Variants in NRXN3 observed in about 807,000 individuals in gnomAD.
The protein encoded by NRXN3 is neurexin III.
Under a neutral mutation model 137.6 loss-of-function variants are expected in NRXN3, and 32 were observed. That is an observed-to-expected ratio of 0.23 (90% confidence interval 0.18 to 0.31). NRXN3 has a LOEUF of 0.31. Ranked by LOEUF, NRXN3 falls within the 10% of genes least tolerant of loss-of-function variation. The pLI is 1.00. For synonymous variants in NRXN3, 798 were observed against 784.5 expected (o/e 1.02, Z -0.29); for missense variants, 1,574 against 2,062.5 (o/e 0.76, Z 4.59).
chr14:78,642,038 G>A (rs1254533113), intron 4 of NRXN3, among the ~76,000 whole-genome samples: 1 of 152,176 alleles, frequency 6.6e-6, no homozygotes, highest in Non-Finnish European at 1.5e-5. Flanking sequence ...TAAGGTGAGA[G>A]GAATTGGTTT....
chr14:78,207,274 T>C (rs1034889458), intron 1 of NRXN3, among the ~76,000 whole-genome samples: 1 of 152,220 alleles, frequency 6.6e-6, no homozygotes, highest in Non-Finnish European at 1.5e-5. Flanking sequence ...GTTTCTTTTA[T>C]ACGACCCTTA....
intron 15 of NRXN3, among the ~76,000 whole-genome samples, chr14:79,328,802 A>C (rs191070387): frequency 6.6e-6 from 1 of 152,338 alleles, no homozygotes; most frequent in African/African-American, 2.4e-5. Flanking sequence ...CTTACCAGAA[A>C]ACTGGACACA....
At chr14:79,549,283 T>A (rs114585153) in intron 16 of NRXN3, among the ~76,000 whole-genome samples, 48 of 152,098 alleles carry the variant, frequency 3.2e-4, no homozygotes, top group African/African-American at 1.1e-3. Flanking sequence ...TTTGATGTAA[T>A]GGGAAGGGAG....
intron 1 of NRXN3, among the ~76,000 whole-genome samples, chr14:78,179,409 G>A (rs949220449): frequency 8.5e-5 from 13 of 152,212 alleles, no homozygotes; most frequent in African/African-American, 3.1e-4. Context: ...TCCCATTGAA[G>A]ACTGTGTTTA....
chr14:79,685,531 ATTGGTGCCAGGTTAACCTGGCAT>A (rs2098691141), intron 17 of NRXN3, among the ~76,000 whole-genome samples: 1 of 152,212 alleles, frequency 6.6e-6, no homozygotes, highest in South Asian at 2.1e-4. Context: ...TAAATAAAGA[ATTGGTGCCAGGTTAACCTGGCAT>A]ACTGAAGAAA....
chr14:79,821,027 C>A (rs1371447185), intron 20 of NRXN3, among the ~76,000 whole-genome samples: 1 of 151,908 alleles, frequency 6.6e-6, no homozygotes, highest in African/African-American at 2.4e-5. Context: ...AGAGATGATG[C>A]AAGGAGGCAA....
intron 10 of NRXN3, among the ~76,000 whole-genome samples, chr14:78,847,050 C>G (rs2152468606): frequency 6.6e-6 from 1 of 152,200 alleles, no homozygotes; most frequent in East Asian, 1.9e-4. Flanking sequence ...TTGCTCAAGG[C>G]AGCTGGAAAA....
intron 8 of NRXN3, among the ~76,000 whole-genome samples, chr14:78,724,151 T>A (rs2098472560): frequency 6.6e-6 from 1 of 152,232 alleles, no homozygotes. Context: ...AAAATCATAT[T>A]TTGAACTTCT....
chr14:78,357,033 G>A (rs1465849228), intron 4 of NRXN3, among the ~76,000 whole-genome samples: 1 of 152,156 alleles, frequency 6.6e-6, no homozygotes, highest in African/African-American at 2.4e-5. Context: ...GACAATAGAA[G>A]GTGAATTGGG....
chr14:78,919,278 A>T (rs1048559487), intron 10 of NRXN3, among the ~76,000 whole-genome samples: 2 of 152,172 alleles, frequency 1.3e-5, no homozygotes, highest in African/African-American at 4.8e-5. Context: ...TGCTTTTTTC[A>T]ATTTATAACA....
At chr14:78,446,278 C>G (rs890198247) in intron 4 of NRXN3, among the ~76,000 whole-genome samples, 2 of 152,036 alleles carry the variant, frequency 1.3e-5, no homozygotes, top group Non-Finnish European at 2.9e-5. Flanking sequence ...TATCTTGGTA[C>G]CAGGTCAATG....
chr14:79,600,544 A>T (rs1022579624), intron 16 of NRXN3, among the ~76,000 whole-genome samples: 9 of 152,216 alleles, frequency 5.9e-5, no homozygotes, highest in South Asian at 2.1e-4. Context: ...CCTGGTTAAG[A>T]GGCAATAGAA....
intron 10 of NRXN3, among the ~76,000 whole-genome samples, chr14:78,825,183 C>T (rs771739077): frequency 3.2e-4 from 37 of 117,282 alleles, no homozygotes; most frequent in Non-Finnish European, 4.2e-4. Context: ...CGTGACAGAG[C>T]GAGACTCTGC....
chr14:78,213,622 T>TGGAAGCAGCTTTGG (rs1405479607), intron 1 of NRXN3, among the ~76,000 whole-genome samples: 2 of 152,170 alleles, frequency 1.3e-5, no homozygotes, highest in African/African-American at 4.8e-5. Flanking sequence ...GGTTGTTGGC[T>TGGAAGCAGCTTTGG]GGAAGCAGCT....
chr14:78,994,017 CTAATTTTTG>C (rs1489561027), intron 15 of NRXN3, among the ~76,000 whole-genome samples: 2 of 151,594 alleles, frequency 1.3e-5, no homozygotes, highest in Non-Finnish European at 2.9e-5. Flanking sequence ...CCACGTCCAG[CTAATTTTTG>C]TATTTTTTTA....
At chr14:78,705,891 G>T (rs1217264033) in intron 6 of NRXN3, among the ~76,000 whole-genome samples, 2 of 152,230 alleles carry the variant, frequency 1.3e-5, no homozygotes, top group East Asian at 3.9e-4. Flanking sequence ...GGTTATCTCT[G>T]TCTGGCCAGT....
At chr14:79,439,262 T>C (rs1351935516) in intron 15 of NRXN3, among the ~76,000 whole-genome samples, 2 of 152,230 alleles carry the variant, frequency 1.3e-5, no homozygotes, top group Non-Finnish European at 2.9e-5. Flanking sequence ...TATCACCAAA[T>C]TATTTGACTT....
chr14:78,595,719 A>T (rs1002055635), intron 4 of NRXN3, among the ~76,000 whole-genome samples: 1 of 152,194 alleles, frequency 6.6e-6, no homozygotes, highest in Non-Finnish European at 1.5e-5. Flanking sequence ...GCTGTAAGAG[A>T]TAAGGCAACT....
At chr14:78,748,182 C>G (rs1052552374) in intron 8 of NRXN3, among the ~76,000 whole-genome samples, 1 of 152,020 alleles carries the variant, frequency 6.6e-6, no homozygotes, top group Non-Finnish European at 1.5e-5. Context: ...AGACAGAACC[C>G]CTTTCTTTAC....
Sources: gnomAD v4.1 joint callset for allele counts (sites outside exome capture counted in the v4.1 genomes callset) on GRCh38, gnomAD v4.1.1 for gene constraint, MANE v1.5 for transcripts, NCBI Gene and HGNC (gene_info 2026-07-23, HGNC 2026-07-21) for gene names.